The following SIDT1 variants were observed in gnomAD, a reference collection of about 807,000 sequenced individuals.
SIDT1 encodes SID1 transmembrane family member 1, also known as SID1 transmembrane family, member 1.
SIDT1 carries 101 observed loss-of-function variants against 107.5 expected under a neutral mutation model. The observed-to-expected ratio is 0.94, with a 90% confidence interval of 0.80 to 1.11. The LOEUF (loss-of-function observed/expected upper bound fraction) is 1.11. SIDT1 is among the 50% of genes least tolerant of loss of function. SIDT1 has a pLI of 0.00. For synonymous variants in SIDT1, 395 were observed against 398.2 expected, an observed-to-expected ratio of 0.99 and a Z score of 0.10; for missense variants, 1,076 against 1,058.2, an observed-to-expected ratio of 1.02 and a Z score of -0.23.
At chr3:113,601,035 C>G (rs776563179) in intron 10 of SIDT1, among the ~76,000 whole-genome samples, 1 of 152,202 alleles carries the variant, frequency 6.6e-6, no homozygotes, top group Admixed American at 6.5e-5. Flanking sequence ...TGAGCCAGCT[C>G]TTGGCTAAAC....
chr3:113,591,861 C>G (rs768355378), intron 9 of SIDT1, among the ~76,000 whole-genome samples: 9 of 152,208 alleles, frequency 5.9e-5, no homozygotes, highest in Admixed American at 2.0e-4. Context: ...AACAGTATTA[C>G]TCATGATAGC....
chr3:113,588,006 T>A (rs1006176032), intron 9 of SIDT1, among the ~76,000 whole-genome samples: 1 of 152,208 alleles, frequency 6.6e-6, no homozygotes, highest in African/African-American at 2.4e-5. Context: ...GTTATGCCTG[T>A]CATAGGAAGA....
intron 19 of SIDT1, among the ~76,000 whole-genome samples, chr3:113,615,288 C>T (rs747533849): frequency 2.0e-5 from 3 of 152,190 alleles, no homozygotes; most frequent in Non-Finnish European, 4.4e-5. Context: ...AGACAGGTTT[C>T]TCCCTCCTGG....
chr3:113,533,344 G>T, intron 1 of SIDT1, 101 bp downstream of exon 1: 1 of 879,114 alleles, frequency 1.1e-6, no homozygotes. Flanking sequence ...GGGAGACTTC[G>T]GGGACCAGGG....
chr3:113,533,207 C>CATCT lies in SIDT1; in HGVS notation c.188_191dup (p.Ser65LeufsTer24). The CATCT allele has an allele frequency of 1.3e-6, 2 of 1,529,136 alleles. No individual in the cohort carries two copies. Among genetic ancestry groups the CATCT allele is most frequent in the South Asian group, 2.5e-5 (2 of 80,732 alleles). 94.7% of individuals were successfully genotyped at this position (1,529,136 alleles called of 1,614,324 possible). On this transcript the variant is annotated frameshift_variant, in exon 1 of 25. Transcript: ENST00000264852. LOFTEE classifies it high-confidence loss of function. The stretch of plus-strand genomic sequence containing the variant: ...GGGTGGTGAACCTCAGCACCGAGAA[C>CATCT]ATCTACTCTTTCAACTACACCAGCC...
At chr3:113,595,558 G>T (rs1248139595) in intron 10 of SIDT1, among the ~76,000 whole-genome samples, 1 of 150,442 alleles carries the variant, frequency 6.6e-6, no homozygotes, top group Admixed American at 6.6e-5. Context: ...CAACTTAGGT[G>T]ACAGAGCAAG....
rs190707519 is a variant in SIDT1 at position 113,542,071 on chromosome 3, G to A, written c.222+8828G>A. Among the ~76,000 whole-genome samples the A allele has an allele frequency of 6.1e-4, 93 of 151,430 alleles. 1 individual carries two copies. Among genetic ancestry groups the A allele is most frequent in the African/African-American group, 2.2e-3 (90 of 41,272 alleles). ...CCCCAGTAGCTGGGATTACAGGTGC[G>A]TGCCACCACGCCCAGCTAATTTTTG... On this transcript the variant is annotated intron_variant, in intron 1 of 24. Coordinates refer to ENST00000264852, the MANE Select transcript of SIDT1 (RefSeq NM_017699.3).
rs989080691 is a variant in SIDT1, at chr3:113,623,513, C to T, written c.2177C>T (p.Ala726Val). Residue 726 changes from alanine to valine, a missense_variant, in exon 22 of 25, where the codon GCC becomes GTC. Transcript: ENST00000264852. ...IFICNLLLYL[A>V]FYIIMKLRSS... ...ATCTGTAACCTTTTGCTGTACCTGG[C>T]CTTTTACATCATCATGAAGGTAAGA... 1.2e-6 allele frequency: 2 copies of T among 1,613,426 alleles called. No homozygotes were observed. Among genetic ancestry groups the T allele is most frequent in the African/African-American group, 2.7e-5 (2 of 74,898 alleles).
At chr3:113,544,358 T>C (rs1939322893) in intron 1 of SIDT1, among the ~76,000 whole-genome samples, 1 of 152,090 alleles carries the variant, frequency 6.6e-6, no homozygotes, top group Non-Finnish European at 1.5e-5. Context: ...GCCCAGCTAA[T>C]TTTTTGTATT....
intron 10 of SIDT1, among the ~76,000 whole-genome samples, chr3:113,599,389 C>A (rs7641877): frequency 2.6e-5 from 4 of 152,188 alleles, no homozygotes; most frequent in African/African-American, 4.8e-5. Context: ...AGTGGAGATG[C>A]AAATGAGCCT....
chr3:113,596,679 A>G (rs1944577310), intron 10 of SIDT1, among the ~76,000 whole-genome samples: 1 of 152,240 alleles, frequency 6.6e-6, no homozygotes, highest in African/African-American at 2.4e-5. Context: ...CACTGGCTTT[A>G]TCAGAGAGAA....
chr3:113,564,408 C>CT (rs1941717648), intron 1 of SIDT1, among the ~76,000 whole-genome samples: 1 of 152,212 alleles, frequency 6.6e-6, no homozygotes, highest in South Asian at 2.1e-4. Flanking sequence ...TTCAGAGCCA[C>CT]TGAAGGCTTT....
At chr3:113,551,825 GT>G (rs1332970701) in intron 1 of SIDT1, among the ~76,000 whole-genome samples, 22 of 63,762 alleles carry the variant, frequency 3.5e-4, no homozygotes, top group East Asian at 9.9e-4. Context: ...AGTTTTAGGG[GT>G]GTGTGTGTGT....
intron 1 of SIDT1, among the ~76,000 whole-genome samples, chr3:113,551,237 G>A (rs190919770): frequency 1.3e-5 from 2 of 152,294 alleles, no homozygotes; most frequent in Admixed American, 1.3e-4. Context: ...GCATGCAGAT[G>A]TCTTTATAAT....
chr3:113,545,989 A>G (rs1437310014), intron 1 of SIDT1, among the ~76,000 whole-genome samples: 1 of 152,206 alleles, frequency 6.6e-6, no homozygotes, highest in African/African-American at 2.4e-5. Flanking sequence ...ACTTTTATGT[A>G]TTTTCCAAAT....
At chr3:113,633,152 C>A (rs528393389), downstream of SIDT1, among the ~76,000 whole-genome samples, 2 of 152,194 alleles carry the variant, frequency 1.3e-5, no homozygotes, top group South Asian at 4.1e-4. Context: ...CCCTAAGAGA[C>A]CTCTTTAGGG....
chr3:113,558,790 GGTAAA>G (rs1162526920), intron 1 of SIDT1, among the ~76,000 whole-genome samples: 1 of 152,054 alleles, frequency 6.6e-6, no homozygotes, highest in Non-Finnish European at 1.5e-5. Context: ...GTGGCAAAGG[GGTAAA>G]GTCTCAGATC....
intron 1 of SIDT1, among the ~76,000 whole-genome samples, chr3:113,552,688 C>T (rs895186651): frequency 3.3e-5 from 5 of 152,108 alleles, no homozygotes; most frequent in Admixed American, 6.5e-5. Context: ...CCCTGGACCC[C>T]GCTGCTGTGG....
chr3:113,560,644 G>A (rs371089499), intron 1 of SIDT1, among the ~76,000 whole-genome samples: 1 of 152,170 alleles, frequency 6.6e-6, no homozygotes, highest in Non-Finnish European at 1.5e-5. Flanking sequence ...TTTACAAGTG[G>A]AGTCAGTTTT....
Sources: gnomAD v4.1 joint callset for allele counts (sites outside exome capture counted in the v4.1 genomes callset) on GRCh38, gnomAD v4.1.1 for gene constraint, MANE v1.5 for transcripts, NCBI Gene and HGNC (gene_info 2026-07-23, HGNC 2026-07-21) for gene names.